The following SSBP2 variants were observed in gnomAD, a reference collection of about 807,000 sequenced individuals.
SSBP2 encodes single-stranded DNA-binding protein 2.
In SSBP2, 17 loss-of-function variants were observed where a neutral mutation model predicts 61.8. That is an observed-to-expected ratio of 0.28 (90% CI 0.19 to 0.41). The LOEUF (loss-of-function observed/expected upper bound fraction) is 0.41. Among genes scored for constraint, SSBP2 ranks in the 10% least tolerant of loss-of-function variants. The probability of loss-of-function intolerance (pLI) is 1.00; values close to 1 mark genes in which losing one functional copy is unlikely to be tolerated. For missense variants in SSBP2, 310 were observed against 458.7 expected (o/e 0.68, Z 2.96); for synonymous variants, 139 against 141.3 (o/e 0.98, Z 0.12).
chr5:81,506,458 G>A (rs1768187326), intron 5 of SSBP2, among the ~76,000 whole-genome samples: 1 of 151,978 alleles, frequency 6.6e-6, no homozygotes, highest in Admixed American at 6.6e-5. Context: ...AAACTAAGAA[G>A]GATATAACAA....
intron 4 of SSBP2, among the ~76,000 whole-genome samples, chr5:81,557,518 C>T (rs1772697674): frequency 6.6e-6 from 1 of 152,140 alleles, no homozygotes; most frequent in Admixed American, 6.5e-5. Context: ...CTCACTACTG[C>T]TCTACTCTTC....
intron 4 of SSBP2, among the ~76,000 whole-genome samples, chr5:81,535,658 A>C (rs1372478141): frequency 6.6e-6 from 1 of 152,108 alleles, no homozygotes; most frequent in East Asian, 1.9e-4. Context: ...GAATGGAGAA[A>C]AGACAGCCTT....
At chr5:81,536,584 G>T (rs940619187) in intron 4 of SSBP2, among the ~76,000 whole-genome samples, 12 of 152,090 alleles carry the variant, frequency 7.9e-5, no homozygotes, top group African/African-American at 2.9e-4. Flanking sequence ...TGAAAACCAA[G>T]TCCATACAAA....
intron 8 of SSBP2, among the ~76,000 whole-genome samples, chr5:81,470,682 A>T (rs1477701775): frequency 1.3e-5 from 2 of 151,950 alleles, no homozygotes; most frequent in Non-Finnish European, 2.9e-5. Context: ...TAAAAAAGAA[A>T]TGTGTATTTT....
At chr5:81,484,777 C>A (rs993886741) in intron 6 of SSBP2, among the ~76,000 whole-genome samples, 3 of 152,050 alleles carry the variant, frequency 2.0e-5, no homozygotes, top group Non-Finnish European at 4.4e-5. Flanking sequence ...TACTTAACCA[C>A]TCATCTATTA....
At chr5:81,458,381 T>C (rs1279649508) in intron 10 of SSBP2, among the ~76,000 whole-genome samples, 3 of 152,198 alleles carry the variant, frequency 2.0e-5, no homozygotes, top group Non-Finnish European at 4.4e-5. Context: ...TATTTAGGGA[T>C]AAAGTTTCAG....
intron 4 of SSBP2, among the ~76,000 whole-genome samples, chr5:81,558,649 T>C (rs1356940962): frequency 6.6e-6 from 1 of 152,234 alleles, no homozygotes; most frequent in African/African-American, 2.4e-5. Context: ...AACATAGTGG[T>C]ATTCTTTTAT....
At chr5:81,537,075 T>C (rs894084334) in intron 4 of SSBP2, among the ~76,000 whole-genome samples, 3 of 152,130 alleles carry the variant, frequency 2.0e-5, no homozygotes, top group Admixed American at 6.6e-5. Context: ...AAAGGAATTT[T>C]GAAACATTTA....
At chr5:81,748,738 C>T (rs1757515284) in intron 1 of SSBP2, among the ~76,000 whole-genome samples, 1 of 152,140 alleles carries the variant, frequency 6.6e-6, no homozygotes, top group South Asian at 2.1e-4. Context: ...TCTAGCAGAA[C>T]CCTGATCTGC....
At chr5:81,715,338 A>G (rs1379895714) in intron 1 of SSBP2, among the ~76,000 whole-genome samples, 10 of 152,218 alleles carry the variant, frequency 6.6e-5, no homozygotes. Context: ...ATCCAGCACA[A>G]GAAAGAAATT....
intron 1 of SSBP2, among the ~76,000 whole-genome samples, chr5:81,692,238 A>G: frequency 6.6e-6 from 1 of 152,198 alleles, no homozygotes. Context: ...AAAATAAATC[A>G]AGAAAGTAAT....
intron 15 of SSBP2, among the ~76,000 whole-genome samples, chr5:81,429,211 T>G (rs1292038346): frequency 1.3e-5 from 2 of 152,210 alleles, no homozygotes; most frequent in East Asian, 3.8e-4. Flanking sequence ...CAACTGTACT[T>G]AAGAACAAGA....
chr5:81,645,866 AT>A (rs1487320639), intron 2 of SSBP2, among the ~76,000 whole-genome samples: 1 of 152,176 alleles, frequency 6.6e-6, no homozygotes, highest in Non-Finnish European at 1.5e-5. Flanking sequence ...TCTATCATGA[AT>A]CAGAGGTAAC....
intron 1 of SSBP2, among the ~76,000 whole-genome samples, chr5:81,721,896 G>A (rs951370329): frequency 2.6e-5 from 4 of 152,028 alleles, no homozygotes; most frequent in African/African-American, 9.7e-5. Context: ...ATGCACATGA[G>A]TATCACCTCC....
chr5:81,525,679 G>C (rs1769874034), intron 4 of SSBP2, among the ~76,000 whole-genome samples: 1 of 151,870 alleles, frequency 6.6e-6, no homozygotes, highest in African/African-American at 2.4e-5. Context: ...TACCTGTAAA[G>C]CATTCCCACT....
intron 4 of SSBP2, among the ~76,000 whole-genome samples, chr5:81,577,772 T>G (rs1312363210): frequency 6.6e-6 from 1 of 152,008 alleles, no homozygotes; most frequent in Non-Finnish European, 1.5e-5. Context: ...TATTACATCT[T>G]TTTTTCTACA....
intron 4 of SSBP2, among the ~76,000 whole-genome samples, chr5:81,539,725 G>T (rs1010424904): frequency 1.3e-5 from 2 of 152,090 alleles, no homozygotes; most frequent in African/African-American, 4.8e-5. Flanking sequence ...AAGGCTCAGA[G>T]AATTGTTGCC....
At chr5:81,439,828 C>T (rs1489526418) in intron 14 of SSBP2, among the ~76,000 whole-genome samples, 13 of 151,854 alleles carry the variant, frequency 8.6e-5, no homozygotes, top group Non-Finnish European at 1.8e-4. Context: ...CCCACCACCG[C>T]GCCTGGCTAA....
chr5:81,508,803 T>C (rs544963100), intron 5 of SSBP2, among the ~76,000 whole-genome samples: 1 of 152,246 alleles, frequency 6.6e-6, no homozygotes, highest in Admixed American at 6.5e-5. Flanking sequence ...AATGTTTCAA[T>C]GTATTTTTTA....
Sources: allele counts gnomAD v4.1 joint callset (sites outside exome capture counted in the v4.1 genomes callset), GRCh38; gene constraint gnomAD v4.1.1; transcripts MANE v1.5; gene names NCBI Gene and HGNC (gene_info 2026-07-23, HGNC 2026-07-21).